MIPOL1: variants seen among roughly 807,000 people sequenced by gnomAD.
MIPOL1 encodes the protein mirror-image polydactyly 1.
MIPOL1 carries 57 observed loss-of-function variants against 60.9 expected under a neutral mutation model. That is an observed-to-expected ratio of 0.94 (90% CI 0.76 to 1.17). The LOEUF is 1.17. Among genes scored for constraint, MIPOL1 ranks in the 50% most tolerant of loss-of-function variants. The pLI is 0.00. For missense variants in MIPOL1, 551 were observed against 511.6 expected, an observed-to-expected ratio of 1.08 and a Z score of -0.74; for synonymous variants, 179 against 168.8, an observed-to-expected ratio of 1.06 and a Z score of -0.47.
intron 1 of MIPOL1, among the ~76,000 whole-genome samples, chr14:37,200,664 GTTTTT>G (rs559596328): frequency 9.0e-6 from 1 of 111,222 alleles, no homozygotes. Flanking sequence ...TTCCCAGTTA[GTTTTT>G]TTTTTTTTTT....
chr14:37,208,022 C>A (rs2139235169), intron 1 of MIPOL1, among the ~76,000 whole-genome samples: 1 of 152,114 alleles, frequency 6.6e-6, no homozygotes, highest in Non-Finnish European at 1.5e-5. Flanking sequence ...AGTAGATGAC[C>A]AATAAGACAT....
chr14:37,408,491 G>A (rs1850520538), intron 10 of MIPOL1, among the ~76,000 whole-genome samples: 1 of 152,082 alleles, frequency 6.6e-6, no homozygotes, highest in South Asian at 2.1e-4. Context: ...TTAGTTGGGT[G>A]TGGTGGCATG....
chr14:37,312,654 TC>T (rs2087451747), intron 9 of MIPOL1, among the ~76,000 whole-genome samples: 1 of 152,158 alleles, frequency 6.6e-6, no homozygotes, highest in African/African-American at 2.4e-5. Context: ...TCTTTATTTA[TC>T]CCAAATTGTT....
Position 37,285,440 on chromosome 14 carries a change from C to G in MIPOL1, c.616C>G (p.Leu206Val). The part of the protein sequence containing the change: ...IARAKHMEMS[L>V]KVLENINPEE... The stretch of plus-strand genomic sequence containing the variant: ...ACGAGCCAAGCATATGGAAATGTCT[C>G]TAAAAGTGTATGTACACATTTAAAA... The change falls in exon 7 of 13, where the codon CTA becomes GTA. Residue 206 changes from leucine to valine, a missense_variant. Coordinates refer to ENST00000684589, the MANE Select transcript of MIPOL1 (RefSeq NM_001388067.1). 6.2e-7 allele frequency: 1 copy of G among 1,613,774 alleles called. No individual in the cohort carries two copies. The highest frequency in any genetic ancestry group is 8.5e-7 in the Non-Finnish European group (1 of 1,179,916).
At chr14:37,496,072 G>T (rs1407168970) in intron 11 of MIPOL1, among the ~76,000 whole-genome samples, 1 of 151,960 alleles carries the variant, frequency 6.6e-6, no homozygotes, top group Non-Finnish European at 1.5e-5. Flanking sequence ...ATCCCATTTT[G>T]TAGGTTGCCT....
At chr14:37,478,985 C>T (rs774913247) in intron 11 of MIPOL1, among the ~76,000 whole-genome samples, 1 of 151,852 alleles carries the variant, frequency 6.6e-6, no homozygotes, top group Non-Finnish European at 1.5e-5. Context: ...ATGCATGCAA[C>T]ATCAGAATAC....
chr14:37,519,001 T>C (rs1020700689), intron 12 of MIPOL1, among the ~76,000 whole-genome samples: 2 of 152,080 alleles, frequency 1.3e-5, no homozygotes, highest in African/African-American at 4.8e-5. Flanking sequence ...AGATGAAGGA[T>C]AAAGCGGAAA....
At chr14:37,446,933 G>A (rs888737943) in intron 11 of MIPOL1, among the ~76,000 whole-genome samples, 1 of 151,832 alleles carries the variant, frequency 6.6e-6, no homozygotes, top group Admixed American at 6.6e-5. Context: ...GTGGGGTGGG[G>A]GGAGTGGGGA....
At chr14:37,240,864 A>G (rs1972235328) in intron 1 of MIPOL1, among the ~76,000 whole-genome samples, 1 of 152,070 alleles carries the variant, frequency 6.6e-6, no homozygotes, top group Non-Finnish European at 1.5e-5. Flanking sequence ...AGCACCAAGT[A>G]TTAATTTCCT....
chr14:37,473,361 CTT>C (rs906951379), intron 11 of MIPOL1, among the ~76,000 whole-genome samples: 1 of 149,038 alleles, frequency 6.7e-6, no homozygotes, highest in African/African-American at 2.5e-5. Flanking sequence ...CCAAATAAAC[CTT>C]TTTTTTTTCT....
intron 7 of MIPOL1, among the ~76,000 whole-genome samples, chr14:37,305,385 C>T (rs557240178): frequency 1.3e-5 from 2 of 151,778 alleles, no homozygotes; most frequent in Admixed American, 1.3e-4. Context: ...GAAATTCAGC[C>T]TGCTACCTGT....
In MIPOL1 at chr14:37,247,212, T is replaced by C. The variant is rs1973319904; in HGVS notation, c.-89T>C. On this transcript the variant is annotated 5_prime_UTR_variant, in exon 2 of 13. Coordinates refer to ENST00000684589, the MANE Select transcript of MIPOL1 (RefSeq NM_001388067.1). ...TTACTACAGCTTTATTTGAGGACTT[T>C]TTAAAGAACGCTGGGTTCTATCTGT... is the stretch of plus-strand genomic sequence containing the variant. 1 of 152,472 alleles carries C rather than the reference T, an allele frequency of 6.6e-6. No homozygotes were observed. The highest frequency in any genetic ancestry group is 2.1e-4 in the South Asian group (1 of 4,828). The allele number at this position is 152,472 out of a possible 1,614,324, so 9.4% of individuals were successfully genotyped here. A position where few individuals can be genotyped will look rare whatever the true frequency, so the allele number is the denominator to read the frequency against.
At chr14:37,215,696 G>C (rs925859417) in intron 1 of MIPOL1, among the ~76,000 whole-genome samples, 3 of 152,120 alleles carry the variant, frequency 2.0e-5, no homozygotes, top group Non-Finnish European at 4.4e-5. Flanking sequence ...TAGCATGGCT[G>C]AATTGATGAA....
intron 1 of MIPOL1, among the ~76,000 whole-genome samples, chr14:37,199,737 C>T (rs1477061710): frequency 6.6e-6 from 1 of 152,092 alleles, no homozygotes; most frequent in African/African-American, 2.4e-5. Flanking sequence ...GTTGGTCAGG[C>T]TGGTCTCAAA....
At chr14:37,420,114 G>A (rs1233455475) in intron 10 of MIPOL1, among the ~76,000 whole-genome samples, 2 of 151,696 alleles carry the variant, frequency 1.3e-5, no homozygotes, top group Admixed American at 1.3e-4. Context: ...AAAAAGCAAG[G>A]TGTGTATAAC....
intron 1 of MIPOL1, among the ~76,000 whole-genome samples, chr14:37,231,278 G>C (rs1303327626): frequency 6.6e-6 from 1 of 151,998 alleles, no homozygotes; most frequent in Non-Finnish European, 1.5e-5. Flanking sequence ...CATAGAGATG[G>C]ATTCTCCCTG....
chr14:37,237,570 A>C (rs1272734009), intron 1 of MIPOL1, among the ~76,000 whole-genome samples: 1 of 151,964 alleles, frequency 6.6e-6, no homozygotes, highest in Non-Finnish European at 1.5e-5. Context: ...TTTCTAGTCC[A>C]CTATTTTGCT....
chr14:37,476,164 G>A (rs1201898263), intron 11 of MIPOL1, among the ~76,000 whole-genome samples: 1 of 152,130 alleles, frequency 6.6e-6, no homozygotes, highest in Non-Finnish European at 1.5e-5. Context: ...CGGCATTAAT[G>A]TAATCTCAAA....
In MIPOL1 at chr14:37,430,497, AAT is replaced by A. The variant is rs1042230267; in HGVS notation, c.1031+7550_1031+7551del. Among the ~76,000 whole-genome samples, 3 of 75,142 alleles carry A rather than the reference AAT, an allele frequency of 4.0e-5. No homozygotes were observed. In the Admixed American group the frequency reaches 5.4e-4, roughly 13 times the overall value. 49.3% of individuals were successfully genotyped at this position (75,142 alleles called of 152,430 possible). A position where few individuals can be genotyped will look rare whatever the true frequency, so the allele number is the denominator to read the frequency against. On this transcript the variant is annotated intron_variant, in intron 11 of 12. Transcript: ENST00000684589. ...GAATGTAAAACAAAAAGAAAATTAA[AAT>A]AGTTTTTTTTTTTAAAAAAAAGTAT...
Sources: gnomAD v4.1 joint callset for allele counts (sites outside exome capture counted in the v4.1 genomes callset) on GRCh38, gnomAD v4.1.1 for gene constraint, MANE v1.5 for transcripts, NCBI Gene and HGNC (gene_info 2026-07-23, HGNC 2026-07-21) for gene names.